The following CNTNAP2 variants were observed in gnomAD, a reference collection of about 807,000 sequenced individuals.
The protein encoded by CNTNAP2 is contactin-associated protein-like 2.
CNTNAP2 carries 98 observed loss-of-function variants against 155.2 expected under a neutral mutation model. The observed-to-expected ratio is 0.63, with a 90% confidence interval of 0.54 to 0.75. The LOEUF (loss-of-function observed/expected upper bound fraction) is 0.75, where lower values mean the gene tolerates loss of function less well. Among genes scored for constraint, CNTNAP2 ranks in the 30% least tolerant of loss-of-function variants. The pLI is 0.00. For missense variants in CNTNAP2, 1,727 were observed against 1,688.1 expected (o/e 1.02, Z -0.40); for synonymous variants, 651 against 631.2 (o/e 1.03, Z -0.47).
At chr7:146,467,062 T>A (rs528264611) in intron 1 of CNTNAP2, among the ~76,000 whole-genome samples, 1 of 152,294 alleles carries the variant, frequency 6.6e-6, no homozygotes, top group African/African-American at 2.4e-5. Context: ...GGCTATTTAA[T>A]AATTTAATGT....
At chr7:147,194,331 T>C (rs932954969) in intron 8 of CNTNAP2, among the ~76,000 whole-genome samples, 2 of 152,214 alleles carry the variant, frequency 1.3e-5, no homozygotes, top group South Asian at 2.1e-4. Context: ...CAGTCTATCA[T>C]TGATGGGCAT....
At position 146,194,481 on chromosome 7, in the gene CNTNAP2, A is replaced by T. The variant is rs144520429; in HGVS notation, c.97+77508A>T. On this transcript the variant is annotated intron_variant, in intron 1 of 23. Coordinates refer to ENST00000361727, the MANE Select transcript of CNTNAP2 (RefSeq NM_014141.6). ...ACCTAGTCACTATCATGAAAATAGC[A>T]TGGGAAAGACCTATCCCCGTGAGTC... Among the ~76,000 whole-genome samples, 295 of 152,216 alleles carry T rather than the reference A, an allele frequency of 1.9e-3. 2 individuals carry two copies. The highest frequency in any genetic ancestry group is 7.5e-4 in the Non-Finnish European group (51 of 68,012).
In CNTNAP2 at chr7:147,922,826, G is replaced by A. The variant is rs184031043; in HGVS notation, c.2255+19105G>A. The stretch of plus-strand genomic sequence containing the variant: ...AGTGGTTTTGAATTGTTAGTAAAGA[G>A]AGGATGCAAAAATCAGTTTGTTTGT... On this transcript the variant is annotated intron_variant, in intron 14 of 23. Transcript: ENST00000361727. 5.7e-3 allele frequency among the ~76,000 whole-genome samples: 862 copies of A among 152,300 alleles called. 27 individuals are homozygous for A. In the South Asian group the frequency reaches 0.079, roughly 14 times the overall value.
chr7:146,948,375 G>A (rs138918535), intron 3 of CNTNAP2, among the ~76,000 whole-genome samples: 238 of 136,140 alleles, frequency 1.7e-3, no homozygotes, highest in African/African-American at 6.0e-3. Context: ...GGTAATTTTT[G>A]TTATAATTTG....
At chr7:147,498,785 G>A (rs187624102) in intron 11 of CNTNAP2, among the ~76,000 whole-genome samples, 3 of 151,880 alleles carry the variant, frequency 2.0e-5, no homozygotes, top group Non-Finnish European at 2.9e-5. Context: ...ATTCAAAGTG[G>A]TAGTTTTTTT....
intron 11 of CNTNAP2, among the ~76,000 whole-genome samples, chr7:147,516,954 C>A (rs965649226): frequency 6.6e-6 from 1 of 151,018 alleles, no homozygotes; most frequent in Admixed American, 6.6e-5. Flanking sequence ...CACTGCCTCC[C>A]GGATTCAAGC....
chr7:147,372,559 T>G (rs1329505829), intron 9 of CNTNAP2, among the ~76,000 whole-genome samples: 1 of 152,128 alleles, frequency 6.6e-6, no homozygotes, highest in Non-Finnish European at 1.5e-5. Context: ...TTTCTGTAAT[T>G]TAGTAAGTAA....
At chr7:147,661,637 C>T (rs1795611605) in intron 13 of CNTNAP2, among the ~76,000 whole-genome samples, 1 of 151,768 alleles carries the variant, frequency 6.6e-6, no homozygotes, top group African/African-American at 2.4e-5. Context: ...ACTACGACCC[C>T]TGCCTGCTGG....
At chr7:147,331,632 G>T (rs2116842504) in intron 9 of CNTNAP2, among the ~76,000 whole-genome samples, 1 of 152,206 alleles carries the variant, frequency 6.6e-6, no homozygotes, top group African/African-American at 2.4e-5. Context: ...GAAAAAGCAG[G>T]TAGAGGGATC....
chr7:147,994,292 G>A (rs889570951), intron 15 of CNTNAP2, among the ~76,000 whole-genome samples: 1 of 151,448 alleles, frequency 6.6e-6, no homozygotes, highest in African/African-American at 2.4e-5. Flanking sequence ...GATCACTGGA[G>A]CCCAGGAATT....
intron 1 of CNTNAP2, among the ~76,000 whole-genome samples, chr7:146,452,227 C>T (rs1036111216): frequency 2.5e-4 from 38 of 152,154 alleles, no homozygotes; most frequent in South Asian, 8.3e-4. Context: ...ATTTTGTCTT[C>T]ATACCACTTA....
chr7:146,569,996 T>G (rs894362612), intron 1 of CNTNAP2, among the ~76,000 whole-genome samples: 2 of 152,298 alleles, frequency 1.3e-5, no homozygotes, highest in Non-Finnish European at 2.9e-5. Flanking sequence ...GTATATATCT[T>G]TTTCCTTCCA....
chr7:147,060,182 T>C (rs961184852), intron 4 of CNTNAP2, among the ~76,000 whole-genome samples: 1 of 138,170 alleles, frequency 7.2e-6, no homozygotes, highest in East Asian at 2.1e-4. Flanking sequence ...AGTAACAATT[T>C]AAAAAAAAAA....
chr7:148,143,629 T>A (rs890237597), intron 16 of CNTNAP2, among the ~76,000 whole-genome samples: 7 of 152,160 alleles, frequency 4.6e-5, no homozygotes, highest in Middle Eastern at 3.2e-3. Context: ...CAGTCAGCTA[T>A]GATCACACTG....
At chr7:147,025,697 T>A (rs1798905417) in intron 3 of CNTNAP2, among the ~76,000 whole-genome samples, 1 of 151,890 alleles carries the variant, frequency 6.6e-6, no homozygotes, top group African/African-American at 2.4e-5. Context: ...TATTTCAAAT[T>A]AAAAAATAAA....
At chr7:146,141,852 T>A (rs1797885970) in intron 1 of CNTNAP2, among the ~76,000 whole-genome samples, 1 of 152,172 alleles carries the variant, frequency 6.6e-6, no homozygotes, top group Non-Finnish European at 1.5e-5. Context: ...AAGGTAAATT[T>A]ACAAAATAAA....
chr7:146,785,015 G>C (rs1376383953), intron 2 of CNTNAP2, among the ~76,000 whole-genome samples: 2 of 150,680 alleles, frequency 1.3e-5, no homozygotes, highest in African/African-American at 4.9e-5. Flanking sequence ...TGTCACCCAG[G>C]CTAGAGTGCA....
rs551119562 is a variant in CNTNAP2, at chr7:146,798,920, A to G, written c.208+24539A>G. 4.0e-5 allele frequency among the ~76,000 whole-genome samples: 6 copies of G among 149,896 alleles called. No individual in the cohort carries two copies. The South Asian group carries it at 1.2e-3, about 31-fold the overall frequency. On this transcript the variant is annotated intron_variant, in intron 2 of 23. Transcript: ENST00000361727. ...TCTCATATTTGTACAGCTGCAAAAA[A>G]AATATTTTTGAGTACATTATGTGAG...
intron 15 of CNTNAP2, among the ~76,000 whole-genome samples, chr7:148,027,772 C>G (rs1802400104): frequency 6.6e-6 from 1 of 152,156 alleles, no homozygotes; most frequent in Non-Finnish European, 1.5e-5. Flanking sequence ...GAAAGGATTT[C>G]ATAGCCTTTC....
Sources: allele counts gnomAD v4.1 joint callset (sites outside exome capture counted in the v4.1 genomes callset), GRCh38; gene constraint gnomAD v4.1.1; transcripts MANE v1.5; gene names NCBI Gene and HGNC (gene_info 2026-07-23, HGNC 2026-07-21).